COL22A1: variants seen among roughly 807,000 people sequenced by gnomAD.
The protein encoded by COL22A1 is collagen type XXII alpha 1 chain, also known as collagen alpha-1(XXII) chain.
Under a neutral mutation model 248.9 loss-of-function variants are expected in COL22A1, and 221 were observed. The observed-to-expected ratio is 0.89, with a 90% CI of 0.80 to 0.99. The LOEUF is 0.99. Ranked by LOEUF, COL22A1 falls within the 50% of genes least tolerant of loss-of-function variation. The pLI, the probability that COL22A1 is intolerant of heterozygous loss-of-function variation, is 0.00. For synonymous variants in COL22A1, 891 were observed against 793.4 expected, an observed-to-expected ratio of 1.12 and a Z score of -2.07; for missense variants, 2,240 against 2,179.0, an observed-to-expected ratio of 1.03 and a Z score of -0.56.
At chr8:138,866,905 G>A (rs1368086884) in intron 3 of COL22A1, among the ~76,000 whole-genome samples, 2 of 152,180 alleles carry the variant, frequency 1.3e-5, no homozygotes, top group African/African-American at 4.8e-5. Flanking sequence ...GGGAAGAGAA[G>A]AGAGACCCTC....
At chr8:138,766,138 A>T (rs1833893589) in intron 16 of COL22A1, among the ~76,000 whole-genome samples, 1 of 152,244 alleles carries the variant, frequency 6.6e-6, no homozygotes, top group African/African-American at 2.4e-5. Context: ...ACTCTCCCAG[A>T]GACCTCAGAG....
chr8:138,684,831 C>A (rs1418702858), intron 38 of COL22A1, among the ~76,000 whole-genome samples: 1 of 152,222 alleles, frequency 6.6e-6, no homozygotes, highest in Admixed American at 6.5e-5. Flanking sequence ...CTCACAGCCA[C>A]AATGAAAACC....
chr8:138,880,030 C>A (rs1326317315), intron 2 of COL22A1, among the ~76,000 whole-genome samples: 1 of 151,952 alleles, frequency 6.6e-6, no homozygotes, highest in Non-Finnish European at 1.5e-5. Flanking sequence ...TTTTTATCCA[C>A]CAATTCCAAA....
At chr8:138,874,162 A>G (rs1319903895) in intron 3 of COL22A1, among the ~76,000 whole-genome samples, 1 of 152,238 alleles carries the variant, frequency 6.6e-6, no homozygotes, top group Non-Finnish European at 1.5e-5. Context: ...ATTTGTAGCC[A>G]GAATAGACCA....
chr8:138,679,235 C>T (rs978388950), intron 40 of COL22A1, among the ~76,000 whole-genome samples: 20 of 152,146 alleles, frequency 1.3e-4, no homozygotes, highest in African/African-American at 4.8e-4. Flanking sequence ...TCAGATAAAT[C>T]TATATTTCTT....
chr8:138,783,400 A>G (rs989068278), intron 12 of COL22A1, among the ~76,000 whole-genome samples: 2 of 152,148 alleles, frequency 1.3e-5, no homozygotes, highest in African/African-American at 4.8e-5. Flanking sequence ...TCCAGGTTCC[A>G]AAACTGAGGA....
At chr8:138,602,275 A>C in intron 59 of COL22A1, 116 bp from the exon 60 acceptor site, 41 of 980,606 alleles carry the variant, frequency 4.2e-5, no homozygotes, top group Middle Eastern at 2.2e-4. Context: ...TCAAAAGATA[A>C]GGTCCCCCGA....
intron 12 of COL22A1, among the ~76,000 whole-genome samples, chr8:138,782,581 G>C (rs147614870): frequency 6.6e-6 from 1 of 151,960 alleles, no homozygotes; most frequent in Non-Finnish European, 1.5e-5. Context: ...CAGGAGAATC[G>C]CTTGAACCAG....
At chr8:138,695,473 C>T (rs1827432457) in intron 32 of COL22A1, among the ~76,000 whole-genome samples, 1 of 152,096 alleles carries the variant, frequency 6.6e-6, no homozygotes, top group African/African-American at 2.4e-5. Flanking sequence ...CCTCCTGGAA[C>T]TACAGGTCCT....
intron 16 of COL22A1, among the ~76,000 whole-genome samples, chr8:138,767,456 C>T (rs939247314): frequency 1.3e-5 from 2 of 151,940 alleles, no homozygotes; most frequent in African/African-American, 4.8e-5. Context: ...CTCTCTGGGG[C>T]TCCAGTTCCC....
rs187469354 is a variant in COL22A1 at position 138,783,313 on chromosome 8, G to A, written c.1597-2333C>T. On this transcript the variant is annotated intron_variant, in intron 12 of 64. Transcript: ENST00000303045. ...AATATATATATATTTTTTTCAAAGG[G>A]GGAGTTTATTAACTAACAACAAGAT... Among the ~76,000 whole-genome samples, 64 of 152,052 alleles carry A rather than the reference G, an allele frequency of 4.2e-4. 1 individual carries two copies. In the Middle Eastern group the frequency reaches 0.01, roughly 24 times the overall value.
At position 138,720,722 on chromosome 8, in the gene COL22A1, A is replaced by G; in HGVS notation, c.2355+17T>C. On this transcript the variant is annotated intron_variant, in intron 27 of 64. Transcript: ENST00000303045. ...CAGAATAGCAAGCATAATGGGAAAA[A>G]GAGGCAAAGTCCATACCCGAAGGCC... 6.2e-7 allele frequency: 1 copy of G among 1,608,382 alleles called. No homozygotes were observed. The highest frequency in any genetic ancestry group is 8.5e-7 in the Non-Finnish European group (1 of 1,174,818).
chr8:138,689,773 G>T (rs1180238511), intron 36 of COL22A1, among the ~76,000 whole-genome samples: 1 of 152,194 alleles, frequency 6.6e-6, no homozygotes, highest in Non-Finnish European at 1.5e-5. Context: ...AAATACACTT[G>T]CTGGCCACTG....
At chr8:138,601,747 TTGGCACTTCGGGAGCCG>T (rs960496635) in intron 60 of COL22A1, among the ~76,000 whole-genome samples, 8 of 152,280 alleles carry the variant, frequency 5.3e-5, no homozygotes, top group South Asian at 2.1e-4. Flanking sequence ...TCCTGGCAAA[TTGGCACTTCGGGAGCCG>T]AGCCCGTCTC....
intron 31 of COL22A1, 34 bp from the exon 32 acceptor site, chr8:138,700,178 G>T: frequency 6.2e-7 from 1 of 1,608,132 alleles, no homozygotes; most frequent in Non-Finnish European, 8.5e-7. Context: ...AGAAAGATGG[G>T]CATCAAGGAA....
At chr8:138,658,905 C>G (rs900462043) in intron 44 of COL22A1, among the ~76,000 whole-genome samples, 33 of 149,720 alleles carry the variant, frequency 2.2e-4, no homozygotes, top group African/African-American at 8.2e-4. Flanking sequence ...CTCCCTCTCT[C>G]TCTCTCCCCT....
At position 138,772,390 on chromosome 8, in the gene COL22A1, G is replaced by A. The variant is rs573954564; in HGVS notation, c.1803+3576C>T. On this transcript the variant is annotated intron_variant, in intron 16 of 64. Coordinates refer to ENST00000303045, the MANE Select transcript of COL22A1 (RefSeq NM_152888.3). Reference sequence around the variant, plus strand: ...CCATGTGGTTGACCAAGGTCATCACGGTGAAGAGGACAGGGGTTCTAAGCA... The same window carrying A: ...CCATGTGGTTGACCAAGGTCATCACAGTGAAGAGGACAGGGGTTCTAAGCA... 7.9e-5 allele frequency among the ~76,000 whole-genome samples: 12 copies of A among 152,334 alleles called. No homozygotes were observed. In the South Asian group the frequency reaches 1.7e-3, roughly 21 times the overall value.
chr8:138,834,510 G>A (rs1258719623), intron 4 of COL22A1, among the ~76,000 whole-genome samples: 2 of 152,194 alleles, frequency 1.3e-5, no homozygotes, highest in African/African-American at 4.8e-5. Flanking sequence ...AGGGAGGGAA[G>A]CAGGTAGTCC....
intron 41 of COL22A1, among the ~76,000 whole-genome samples, chr8:138,671,405 T>C (rs1306096744): frequency 6.6e-6 from 1 of 152,198 alleles, no homozygotes; most frequent in Non-Finnish European, 1.5e-5. Context: ...AAATTAATGG[T>C]AGCCAGACCG....
Sources: gnomAD v4.1 joint callset for allele counts (sites outside exome capture counted in the v4.1 genomes callset) on GRCh38, gnomAD v4.1.1 for gene constraint, MANE v1.5 for transcripts, NCBI Gene and HGNC (gene_info 2026-07-23, HGNC 2026-07-21) for gene names.